Variants in STK40 observed in about 807,000 individuals in gnomAD.
The protein encoded by STK40 is serine/threonine-protein kinase 40.
STK40 carries 13 observed loss-of-function variants against 47.9 expected under a neutral mutation model. The observed-to-expected ratio is 0.27, with a 90% CI of 0.18 to 0.43. The LOEUF is 0.43. Ranked by LOEUF, STK40 falls within the 20% of genes least tolerant of loss-of-function variation. The pLI, the probability that STK40 is intolerant of heterozygous loss-of-function variation, is 1.00. For missense variants in STK40, 460 were observed against 595.1 expected (o/e 0.77, Z 2.36); for synonymous variants, 225 against 243.2 (o/e 0.93, Z 0.69).
chr1:36,373,901 C>A (rs533404437), intron 1 of STK40, among the ~76,000 whole-genome samples: 7 of 152,348 alleles, frequency 4.6e-5, no homozygotes, highest in African/African-American at 1.7e-4. Flanking sequence ...GACCCCACCC[C>A]CTGAGGCCTG....
intron 1 of STK40, among the ~76,000 whole-genome samples, chr1:36,383,832 C>T (rs1480716158): frequency 1.3e-5 from 2 of 152,040 alleles, no homozygotes; most frequent in Non-Finnish European, 2.9e-5. Context: ...GTCTATCTCG[C>T]TCTCAAAGTA....
At chr1:36,358,216 G>C in intron 4 of STK40, 23 bp downstream of exon 4, 1 of 1,567,124 alleles carries the variant, frequency 6.4e-7, no homozygotes, top group Non-Finnish European at 8.7e-7. Flanking sequence ...TGAGCGCGAA[G>C]GGTGAGGGGG....
At chr1:36,360,906 A>G (rs1646846376) in intron 2 of STK40, among the ~76,000 whole-genome samples, 1 of 152,166 alleles carries the variant, frequency 6.6e-6, no homozygotes, top group Non-Finnish European at 1.5e-5. Context: ...GCACGTCACC[A>G]TTCTAGGGGC....
intron 7 of STK40, among the ~76,000 whole-genome samples, chr1:36,346,896 G>A (rs1258419875): frequency 1.3e-5 from 2 of 152,220 alleles, no homozygotes; most frequent in South Asian, 4.1e-4. Flanking sequence ...GTGGAAGGAG[G>A]AGCCTGGCTC....
intron 6 of STK40, among the ~76,000 whole-genome samples, chr1:36,349,786 CCTGT>C (rs948102601): frequency 9.9e-5 from 15 of 152,076 alleles, no homozygotes; most frequent in African/African-American, 3.6e-4. Flanking sequence ...GTGGGCAGGC[CCTGT>C]CTAAGAGGCC....
chr1:36,344,311 G>A lies in STK40; in HGVS notation c.740-47C>T, dbSNP rs201033768. 85 of 1,522,258 alleles carry A rather than the reference G, an allele frequency of 5.6e-5. No homozygotes were observed. In the African/African-American group the frequency reaches 7.4e-4, roughly 13 times the overall value. 94.3% of individuals were successfully genotyped at this position (1,522,258 alleles called of 1,614,324 possible). On this transcript the variant is annotated intron_variant, in intron 7 of 10. Coordinates refer to ENST00000373132, the MANE Select transcript of STK40 (RefSeq NM_001282547.2). The stretch of plus-strand genomic sequence containing the variant: ...ACTGTCTTCAGGCCACAGCACCACC[G>A]TGGCTCACCAGCCTGGAATCCCACC...
chr1:36,354,511 G>T, intron 5 of STK40, 95 bp from the exon 6 acceptor site: 1 of 1,331,772 alleles, frequency 7.5e-7, no homozygotes, highest in Non-Finnish European at 1.1e-6. Context: ...TGTTCGAGAA[G>T]GCAGGAAAAA....
At chr1:36,379,778 A>AG (rs1384915987) in intron 1 of STK40, among the ~76,000 whole-genome samples, 1 of 152,196 alleles carries the variant, frequency 6.6e-6, no homozygotes, top group Non-Finnish European at 1.5e-5. Flanking sequence ...GGGAAAAATA[A>AG]GGCTGCCCCA....
At chr1:36,343,264 G>T in intron 10 of STK40, 100 bp downstream of exon 10, 1 of 1,297,202 alleles carries the variant, frequency 7.7e-7, no homozygotes. Flanking sequence ...AGGAAACTCT[G>T]TGGCCTGCGG....
chr1:36,358,774 G>C lies in STK40; in HGVS notation c.161C>G (p.Ala54Gly). 1 of 1,614,056 alleles carries C rather than the reference G, an allele frequency of 6.2e-7. No homozygotes were observed. The highest frequency in any genetic ancestry group is 1.3e-5 in the African/African-American group (1 of 74,996). Residue 54 changes from alanine (A) to glycine (G), a missense_variant, in exon 3 of 11, where the codon GCG becomes GGG. Ala to Gly is a moderately conservative substitution (Grantham distance 60, BLOSUM62 0). Coordinates refer to ENST00000373132, the MANE Select transcript of STK40 (RefSeq NM_001282547.2). ...GAAGTCATCCGTGCCATCTTTCCTC[G>C]CCAAACACTGCACTATGCTTGGCAC... ...SPVPSIVQCL[A>G]RKDGTDDFYQ... is the part of the protein sequence containing the mutation.
intron 7 of STK40, among the ~76,000 whole-genome samples, chr1:36,344,860 T>C (rs1237461814): frequency 3.9e-5 from 6 of 152,212 alleles, no homozygotes; most frequent in Non-Finnish European, 8.8e-5. Context: ...TCCTCATCTG[T>C]AAAGCGAAAA....
chr1:36,343,952 C>G lies in STK40; in HGVS notation c.912G>C (p.Val304=). Reference sequence around the variant, plus strand: ...GGACCAGCAGCTTCCGGATGAGACACACGGTGTTCTCAGAAACCCGTCCAT... The same window carrying G: ...GGACCAGCAGCTTCCGGATGAGACAGACGGTGTTCTCAGAAACCCGTCCAT... ...PEDGRVSENT[V]CLIRKLLVLD... Residue 304 remains valine, a synonymous_variant, in exon 9 of 11, where the codon GTG becomes GTC. Coordinates refer to ENST00000373132, the MANE Select transcript of STK40 (RefSeq NM_001282547.2). 2 of 1,607,410 alleles carry G rather than the reference C, an allele frequency of 1.2e-6. No individual in the cohort carries two copies. The highest frequency in any genetic ancestry group is 1.7e-6 in the Non-Finnish European group (2 of 1,175,250).
At chr1:36,381,315 C>G (rs1321959657) in intron 1 of STK40, among the ~76,000 whole-genome samples, 1 of 152,206 alleles carries the variant, frequency 6.6e-6, no homozygotes, top group Admixed American at 6.5e-5. Flanking sequence ...GCCTGCCTAC[C>G]TCTCAGGCAC....
At chr1:36,374,543 G>C (rs1198104504) in intron 1 of STK40, among the ~76,000 whole-genome samples, 2 of 152,202 alleles carry the variant, frequency 1.3e-5, no homozygotes, top group Admixed American at 6.5e-5. Flanking sequence ...CCTGCCACCA[G>C]CTCTCCCCTC....
chr1:36,350,083 G>A (rs775513410), intron 6 of STK40, among the ~76,000 whole-genome samples: 1 of 152,214 alleles, frequency 6.6e-6, no homozygotes, highest in East Asian at 1.9e-4. Context: ...CAAAGGGCTC[G>A]ATGCAAAACA....
intron 7 of STK40, among the ~76,000 whole-genome samples, chr1:36,346,337 C>T (rs978561611): frequency 3.3e-5 from 5 of 152,134 alleles, no homozygotes; most frequent in Non-Finnish European, 7.3e-5. Context: ...CTACTGCCAT[C>T]CCTATTTTAC....
rs1171351650 is a variant in STK40, at chr1:36,344,041, C to T, written c.885-62G>A. ...GGTGCTGGGTCTGTGGCCAGGATGC[C>T]CAGGCTCACTGTGCCGTTTCCCTGC... is the stretch of plus-strand genomic sequence containing the variant. On this transcript the variant is annotated intron_variant, in intron 8 of 10. Transcript: ENST00000373132. 3 of 1,588,576 alleles carry T rather than the reference C, an allele frequency of 1.9e-6. No individual in the cohort carries two copies. In the African/African-American group the frequency reaches 4.0e-5, roughly 21 times the overall value.
At position 36,358,257 on chromosome 1, in the gene STK40, G is replaced by A. The variant is rs1394041247; in HGVS notation, c.324C>T (p.His108=). 10 of 1,593,924 alleles carry A rather than the reference G, an allele frequency of 6.3e-6. No homozygotes were observed. Among genetic ancestry groups the A allele is most frequent in the Non-Finnish European group, 8.6e-6 (10 of 1,163,608 alleles). Residue 108 remains histidine (H), a synonymous_variant, in exon 4 of 11, where the codon CAC becomes CAT. Transcript: ENST00000373132. The part of the protein sequence containing the change: ...SLLHTQDGVV[H]HHGLFQDRTC... ...CGCTCACCTGGAAGAGGCCGTGGTG[G>A]TGCACCACGCCATCCTGCGTGTGCA...
In STK40 at chr1:36,366,641, C is replaced by T. The variant is rs529579029; in HGVS notation, c.-8-5301G>A. Among the ~76,000 whole-genome samples, 7 of 152,120 alleles carry T rather than the reference C, an allele frequency of 4.6e-5. No individual in the cohort carries two copies. The South Asian group carries it at 8.3e-4, about 18-fold the overall frequency. Reference sequence around the variant, plus strand: ...CTAGAGGGCCTGCTCAGAGGGATCCCGGCTTCACAGTGAGATCTGTGATGA... The same window carrying T: ...CTAGAGGGCCTGCTCAGAGGGATCCTGGCTTCACAGTGAGATCTGTGATGA... On this transcript the variant is annotated intron_variant, in intron 1 of 10. Coordinates refer to ENST00000373132, the MANE Select transcript of STK40 (RefSeq NM_001282547.2).
Sources: gnomAD v4.1 joint callset for allele counts (sites outside exome capture counted in the v4.1 genomes callset) on GRCh38, gnomAD v4.1.1 for gene constraint, MANE v1.5 for transcripts, NCBI Gene and HGNC (gene_info 2026-07-23, HGNC 2026-07-21) for gene names.